ATP8B1: variants seen among roughly 807,000 people sequenced by gnomAD.
ATP8B1 encodes the protein phospholipid-transporting ATPase IC.
A neutral mutation model predicts 149.9 loss-of-function variants in ATP8B1; 80 were observed. The ratio of observed to expected loss-of-function variants is 0.53; its 90% CI spans 0.45 to 0.64. The LOEUF (loss-of-function observed/expected upper bound fraction) is 0.64, where lower values mean the gene tolerates loss of function less well. ATP8B1 is among the 30% of genes least tolerant of loss of function. The pLI, the probability that ATP8B1 is intolerant of heterozygous loss-of-function variation, is 0.00. For missense variants in ATP8B1, 1,247 were observed against 1,552.6 expected (o/e 0.80, Z 3.31); for synonymous variants, 536 against 562.8 (o/e 0.95, Z 0.67).
At chr18:57,746,865 A>C (rs80055177) in intron 1 of ATP8B1, among the ~76,000 whole-genome samples, 1,616 of 152,292 alleles carry the variant, frequency 0.011, 36 homozygotes, top group African/African-American at 0.036. Context: ...CATGGAATCC[A>C]CTGTGCATGG....
At chr18:57,706,434 A>G in intron 3 of ATP8B1, 56 bp downstream of exon 3, 4 of 1,435,420 alleles carry the variant, frequency 2.8e-6, no homozygotes, top group East Asian at 2.3e-5. Flanking sequence ...TAAGCATGCC[A>G]GCTACTGGAA....
At chr18:57,691,730 T>G in intron 12 of ATP8B1, 77 bp downstream of exon 12, 1 of 1,529,314 alleles carries the variant, frequency 6.5e-7, no homozygotes, top group Non-Finnish European at 8.9e-7. Flanking sequence ...CAGTGATCAC[T>G]AGAAATGAAG....
chr18:57,764,321 CTT>C (rs200387340), intron 1 of ATP8B1, among the ~76,000 whole-genome samples: 5 of 105,160 alleles, frequency 4.8e-5, no homozygotes, highest in African/African-American at 7.3e-5. Context: ...TTCTTTCTTT[CTT>C]TTTCTTTCTT....
intron 24 of ATP8B1, among the ~76,000 whole-genome samples, chr18:57,653,435 C>T (rs1372456759): frequency 2.0e-5 from 3 of 151,750 alleles, no homozygotes; most frequent in Admixed American, 6.6e-5. Context: ...CACAGGTGTG[C>T]ACTACCATGC....
At chr18:57,701,697 T>A (rs1228624493) in intron 4 of ATP8B1, among the ~76,000 whole-genome samples, 1 of 151,942 alleles carries the variant, frequency 6.6e-6, no homozygotes, top group East Asian at 1.9e-4. Context: ...TAACTTTTTT[T>A]TTCTTTTTTT....
At chr18:57,665,756 T>C (rs936339516) in intron 20 of ATP8B1, among the ~76,000 whole-genome samples, 6 of 152,064 alleles carry the variant, frequency 3.9e-5, no homozygotes, top group African/African-American at 1.4e-4. Flanking sequence ...TTTCATCATA[T>C]CAGTCAGGCT....
rs145750280 is a variant in ATP8B1 at position 57,694,597 on chromosome 18, G to A, written c.1014C>T (p.Asn338=). Residue 338 remains asparagine, a synonymous_variant, in exon 11 of 28, where the codon AAC becomes AAT. Transcript: ENST00000648908. ...AAATAAATACCGTGTAAACCATGTA[G>A]TTCATCAAGTAATCAATTTTAGTTC... ...FKRTKIDYLM[N]YMVYTIFVVL... 6.4e-4 allele frequency: 1,010 copies of A among 1,572,828 alleles called. 2 individuals are homozygous for A. The highest frequency in any genetic ancestry group is 5.2e-4 in the Non-Finnish European group (591 of 1,142,878).
rs67664390 is a variant in ATP8B1, at chr18:57,770,067, ATT to A, written c.-26+32929_-26+32930del. Among the ~76,000 whole-genome samples the A allele has an allele frequency of 4.2e-3, 563 of 133,938 alleles. 3 individuals carry two copies. Among genetic ancestry groups the A allele is most frequent in the African/African-American group, 0.01 (359 of 35,840 alleles). 87.9% of individuals were successfully genotyped at this position (133,938 alleles called of 152,430 possible). On this transcript the variant is annotated intron_variant, in intron 1 of 27. Coordinates refer to ENST00000648908, the MANE Select transcript of ATP8B1 (RefSeq NM_001374385.1). ...CTCATGCTGAGAACTGCTGAACTGCATTTTTTTTTTTTTTTTTTTGAGACAGA... is the reference window on the plus strand; with the variant it reads ...CTCATGCTGAGAACTGCTGAACTGCATTTTTTTTTTTTTTTTTGAGACAGA...
At chr18:57,756,291 G>GTATATATATA (rs1250184376) in intron 1 of ATP8B1, among the ~76,000 whole-genome samples, 5 of 27,148 alleles carry the variant, frequency 1.8e-4, no homozygotes, top group African/African-American at 6.0e-4. Context: ...ATATATATGT[G>GTATATATATA]TGTGTGTATG....
At chr18:57,673,010 C>CATATATAAATATATGTAT (rs755234390) in intron 16 of ATP8B1, among the ~76,000 whole-genome samples, 2 of 117,146 alleles carry the variant, frequency 1.7e-5, no homozygotes, top group South Asian at 2.6e-4. Context: ...TATAAATATA[C>CATATATAAATATATGTAT]ATATATAAAT....
chr18:57,729,549 C>CTTTTTTTTTTTTTTTTT (rs71171074), intron 2 of ATP8B1, among the ~76,000 whole-genome samples: 3 of 120,742 alleles, frequency 2.5e-5, no homozygotes, highest in African/African-American at 6.4e-5. Context: ...TTCTTTCTTT[C>CTTTTTTTTTTTTTTTTT]TTTTTTTTTT....
In ATP8B1 at chr18:57,793,065, T is replaced by C. The variant is rs191048518; in HGVS notation, c.-26+9933A>G. Among the ~76,000 whole-genome samples, 8 of 152,334 alleles carry C rather than the reference T, an allele frequency of 5.3e-5. No individual in the cohort carries two copies. In the East Asian group the frequency reaches 1.5e-3, roughly 29 times the overall value. On this transcript the variant is annotated intron_variant, in intron 1 of 27. Coordinates refer to ENST00000648908, the MANE Select transcript of ATP8B1 (RefSeq NM_001374385.1). Reference sequence around the variant, plus strand: ...CAAAGTTCTCTGAACCAAAGCCTTATATGTATGTTTCTGAGGAGGCTCTTT... The same window carrying C: ...CAAAGTTCTCTGAACCAAAGCCTTACATGTATGTTTCTGAGGAGGCTCTTT...
chr18:57,710,395 T>G (rs1913630367), intron 2 of ATP8B1, among the ~76,000 whole-genome samples: 1 of 152,072 alleles, frequency 6.6e-6, no homozygotes, highest in Non-Finnish European at 1.5e-5. Flanking sequence ...CTCCAGAGTG[T>G]TCCCATGATC....
chr18:57,656,785 GAA>G (rs1910029365), intron 22 of ATP8B1, among the ~76,000 whole-genome samples: 1 of 145,042 alleles, frequency 6.9e-6, no homozygotes, highest in African/African-American at 2.6e-5. Context: ...TGGGGGGAGA[GAA>G]GAGTGGGGAG....
At chr18:57,763,619 C>A (rs1192836969) in intron 1 of ATP8B1, among the ~76,000 whole-genome samples, 1 of 151,756 alleles carries the variant, frequency 6.6e-6, no homozygotes, top group African/African-American at 2.4e-5. Context: ...TACTCAATGT[C>A]TGGGTTTTAA....
intron 2 of ATP8B1, among the ~76,000 whole-genome samples, chr18:57,713,185 T>C (rs1480077380): frequency 2.3e-5 from 2 of 87,282 alleles, no homozygotes; most frequent in African/African-American, 9.1e-5. Flanking sequence ...CTTTCTTTCT[T>C]TCTTTCTTTC....
chr18:57,672,933 A>ATATATAT (rs36010935), intron 16 of ATP8B1, among the ~76,000 whole-genome samples: 1 of 43,502 alleles, frequency 2.3e-5, no homozygotes, highest in Non-Finnish European at 4.9e-5. Flanking sequence ...TATATATATA[A>ATATATAT]CATGTATATA....
At chr18:57,735,967 G>GCCCCCCCCCCCCCCCCCCCC (rs59140378) in intron 1 of ATP8B1, among the ~76,000 whole-genome samples, 1 of 134,336 alleles carries the variant, frequency 7.4e-6, no homozygotes, top group African/African-American at 2.9e-5. Context: ...CCCATTCCTT[G>GCCCCCCCCCCCCCCCCCCCC]CCCCCCCCAC....
intron 17 of ATP8B1, 132 bp from the exon 18 acceptor site, chr18:57,669,614 A>G: frequency 4.5e-6 from 4 of 880,994 alleles, no homozygotes; most frequent in Non-Finnish European, 6.9e-6. Flanking sequence ...AACATGACAG[A>G]TTCTGTACAA....
Sources: gnomAD v4.1 joint callset for allele counts (sites outside exome capture counted in the v4.1 genomes callset) on GRCh38, gnomAD v4.1.1 for gene constraint, MANE v1.5 for transcripts, NCBI Gene and HGNC (gene_info 2026-07-23, HGNC 2026-07-21) for gene names.